Variants in ANO6 observed in about 807,000 individuals in gnomAD.
ANO6 encodes the protein anoctamin-6.
In ANO6, 106 loss-of-function variants were observed where a neutral mutation model predicts 117.5. That is an observed-to-expected ratio of 0.90 (90% confidence interval 0.77 to 1.06). The LOEUF is 1.06. Among genes scored for constraint, ANO6 ranks in the 50% least tolerant of loss-of-function variants. The probability of loss-of-function intolerance (pLI) is 0.00; values close to 1 mark genes in which losing one functional copy is unlikely to be tolerated. For synonymous variants in ANO6, 367 were observed against 385.1 expected, an observed-to-expected ratio of 0.95 and a Z score of 0.55; for missense variants, 955 against 1,121.1, an observed-to-expected ratio of 0.85 and a Z score of 2.12.
chr12:45,337,165 T>G (rs1940850549), intron 3 of ANO6, among the ~76,000 whole-genome samples: 1 of 152,116 alleles, frequency 6.6e-6, no homozygotes, highest in South Asian at 2.1e-4. Flanking sequence ...ACATAATGTC[T>G]TAAGCCTTCA....
chr12:45,295,648 G>A (rs987425980), intron 1 of ANO6, among the ~76,000 whole-genome samples: 3 of 152,036 alleles, frequency 2.0e-5, no homozygotes, highest in Non-Finnish European at 2.9e-5. Flanking sequence ...TGCAACCTCT[G>A]CTTCCTGGGT....
At chr12:45,346,939 G>C in intron 3 of ANO6, 83 bp from the exon 4 acceptor site, 3 of 1,271,844 alleles carry the variant, frequency 2.4e-6, no homozygotes, top group Non-Finnish European at 3.4e-6. Context: ...GTTTGATTTT[G>C]TTATTAATAT....
At chr12:45,338,656 G>A (rs1038871797) in intron 3 of ANO6, among the ~76,000 whole-genome samples, 1 of 151,938 alleles carries the variant, frequency 6.6e-6, no homozygotes, top group African/African-American at 2.4e-5. Context: ...AAGATTGTAG[G>A]TAAAAAGGAA....
At chr12:45,267,166 C>T (rs1398144684) in intron 1 of ANO6, among the ~76,000 whole-genome samples, 3 of 152,156 alleles carry the variant, frequency 2.0e-5, no homozygotes, top group Non-Finnish European at 4.4e-5. Context: ...CACTTATTTT[C>T]TCACAGTTCT....
Position 45,378,128 on chromosome 12 carries a change from T to C in ANO6, c.1165+15T>C. 1.9e-6 allele frequency: 3 copies of C among 1,606,680 alleles called. No homozygotes were observed. Among genetic ancestry groups the C allele is most frequent in the Non-Finnish European group, 2.5e-6 (3 of 1,176,892 alleles). On this transcript the variant is annotated intron_variant, in intron 10 of 19. Coordinates refer to ENST00000320560, the MANE Select transcript of ANO6 (RefSeq NM_001025356.3). Reference sequence around the variant, plus strand: ...GGGAGTATGGGGTAAGTTTTTTTTTTTTTTTTCATGCACTCAATTTGATAG... The same window carrying C: ...GGGAGTATGGGGTAAGTTTTTTTTTCTTTTTTCATGCACTCAATTTGATAG...
chr12:45,378,199 A>G (rs1233491354), intron 10 of ANO6, 86 bp downstream of exon 10: 3 of 1,327,302 alleles, frequency 2.3e-6, no homozygotes, highest in Non-Finnish European at 3.2e-6. Context: ...CACTTTTAGG[A>G]TCTTGTATTG....
In ANO6 at chr12:45,421,238, C is replaced by T; in HGVS notation, c.2385C>T (p.Asn795=). The T allele has an allele frequency of 1.2e-6, 2 of 1,614,162 alleles. No homozygotes were observed. The highest frequency in any genetic ancestry group is 2.2e-5 in the South Asian group (2 of 91,080). ...ACTTCAAAAACAAAAGCAAGGGAAA[C>T]CCGTACTCTGACCTGGGTAACCATA... is the stretch of plus-strand genomic sequence containing the variant. ...VADFKNKSKG[N]PYSDLGNHTT... Residue 795 remains asparagine, a synonymous_variant, in exon 18 of 20, where the codon AAC becomes AAT. Transcript: ENST00000320560.
intron 2 of ANO6, among the ~76,000 whole-genome samples, chr12:45,317,771 A>T (rs1940101588): frequency 1.3e-5 from 2 of 151,932 alleles, no homozygotes; most frequent in East Asian, 1.9e-4. Context: ...CTCCACATCC[A>T]CTCCAGCACC....
chr12:45,367,866 A>G, intron 9 of ANO6, 73 bp downstream of exon 9: 1 of 1,109,284 alleles, frequency 9.0e-7, no homozygotes, highest in Admixed American at 1.7e-5. Flanking sequence ...GATAAAACAT[A>G]GTATTGTATC....
At chr12:45,244,464 T>A (rs1408415801) in intron 1 of ANO6, among the ~76,000 whole-genome samples, 3 of 150,598 alleles carry the variant, frequency 2.0e-5, no homozygotes, top group Non-Finnish European at 4.4e-5. Context: ...TATTGTTGAA[T>A]CCCCTCAACT....
Position 45,348,179 on chromosome 12 carries a change from A to T in ANO6, c.497A>T (p.Lys166Ile), listed in dbSNP as rs1323947645. 1.2e-6 allele frequency: 2 copies of T among 1,614,128 alleles called. No homozygotes were observed. Among genetic ancestry groups the T allele is most frequent in the South Asian group, 2.2e-5 (2 of 91,078 alleles). Residue 166 changes from lysine to isoleucine, a missense_variant, in exon 5 of 20, where the codon AAA becomes ATA. By Grantham distance (102) the Lys-to-Ile change is moderately radical. Coordinates refer to ENST00000320560, the MANE Select transcript of ANO6 (RefSeq NM_001025356.3). ...SAFGTLNWFT[K>I]VLSVDESIIK... is the part of the protein sequence containing the mutation. ...TTTGGTACACTCAACTGGTTTACCA[A>T]AGTCCTCAGTGTAGACGAAAGCATC...
At chr12:45,419,950 A>ATAAC (rs1344022502) in intron 17 of ANO6, among the ~76,000 whole-genome samples, 1 of 151,774 alleles carries the variant, frequency 6.6e-6, no homozygotes, top group Non-Finnish European at 1.5e-5. Context: ...TATAATTTTC[A>ATAAC]TAACTTCATC....
chr12:45,285,322 T>G (rs1938873039), intron 1 of ANO6, among the ~76,000 whole-genome samples: 1 of 152,218 alleles, frequency 6.6e-6, no homozygotes, highest in East Asian at 1.9e-4. Context: ...TAATTTTAAG[T>G]TACAGAATCA....
At chr12:45,391,636 G>A (rs1010656101) in intron 12 of ANO6, among the ~76,000 whole-genome samples, 23 of 152,194 alleles carry the variant, frequency 1.5e-4, no homozygotes, top group African/African-American at 5.3e-4. Flanking sequence ...GGGAGGCCAA[G>A]GCAGCAGATC....
intron 1 of ANO6, among the ~76,000 whole-genome samples, chr12:45,221,466 GAGGCTATGCCGTGA>G (rs1438044702): frequency 2.0e-5 from 3 of 152,198 alleles, no homozygotes; most frequent in Non-Finnish European, 4.4e-5. Context: ...AAGGCAGGGA[GAGGCTATGCCGTGA>G]AGGATCCTCC....
intron 1 of ANO6, among the ~76,000 whole-genome samples, chr12:45,266,790 C>T: frequency 6.9e-6 from 1 of 145,292 alleles, no homozygotes; most frequent in East Asian, 2.0e-4. Context: ...GAACAAGACC[C>T]TGTCTCAAAA....
intron 1 of ANO6, among the ~76,000 whole-genome samples, chr12:45,241,557 T>G (rs969093815): frequency 2.0e-5 from 3 of 152,232 alleles, no homozygotes; most frequent in Non-Finnish European, 2.9e-5. Flanking sequence ...TTCTGTCAAC[T>G]CGTCAAAGTC....
At chr12:45,412,234 A>G (rs1420104525) in intron 16 of ANO6, among the ~76,000 whole-genome samples, 1 of 152,186 alleles carries the variant, frequency 6.6e-6, no homozygotes, top group Non-Finnish European at 1.5e-5. Flanking sequence ...TTTTGTACTC[A>G]GTAATGTACT....
intron 15 of ANO6, among the ~76,000 whole-genome samples, chr12:45,404,859 TTC>T (rs1351040788): frequency 6.6e-6 from 1 of 152,192 alleles, no homozygotes; most frequent in Admixed American, 6.5e-5. Context: ...CACATACAAC[TTC>T]TCTCTCCTTT....
Sources: gnomAD v4.1 joint callset for allele counts (sites outside exome capture counted in the v4.1 genomes callset) on GRCh38, gnomAD v4.1.1 for gene constraint, MANE v1.5 for transcripts, NCBI Gene and HGNC (gene_info 2026-07-23, HGNC 2026-07-21) for gene names.